The following TWIST2 variants were observed in gnomAD, a reference collection of about 807,000 sequenced individuals.
TWIST2 encodes twist family bHLH transcription factor 2, also known as twist-related protein 2.
A neutral mutation model predicts 11.6 loss-of-function variants in TWIST2; 1 was observed. The observed-to-expected ratio is 0.09, with a 90% CI of 0.03 to 0.41. TWIST2 has a LOEUF of 0.41. TWIST2 is among the 10% of genes least tolerant of loss of function. TWIST2 has a pLI of 0.98. For synonymous variants in TWIST2, 87 were observed against 96.6 expected (o/e 0.90, Z 0.58); for missense variants, 168 against 226.4 (o/e 0.74, Z 1.66).
In TWIST2 at chr2:238,903,386, ATG is replaced by A. The variant is rs1316476968; in HGVS notation, c.*36-6453_*36-6452del. Among the ~76,000 whole-genome samples the A allele has an allele frequency of 3.3e-5, 4 of 122,460 alleles. No individual in the cohort carries two copies. In the South Asian group the frequency reaches 1.2e-3, roughly 36 times the overall value. The allele number at this position is 122,460 out of a possible 152,430, so 80.3% of individuals were successfully genotyped here. On this transcript the variant is annotated intron_variant, in intron 1 of 1. Coordinates refer to ENST00000612363, the MANE Select transcript of TWIST2 (RefSeq NM_001271893.4). ...TGAGGTGTGATTTAGTGTGTGCGTG[ATG>A]TGAGGTGTGTCTAATGTGAGGTGTG...
intron 1 of TWIST2, among the ~76,000 whole-genome samples, chr2:238,874,117 CAAT>C (rs1692762523): frequency 6.6e-6 from 1 of 152,116 alleles, no homozygotes; most frequent in South Asian, 2.1e-4. Flanking sequence ...GATTGTCTGT[CAAT>C]GATGAGGGAT....
chr2:238,850,024 A>G lies in TWIST2; in HGVS notation c.*35+1291A>G, dbSNP rs140476542. On this transcript the variant is annotated intron_variant, in intron 1 of 1. Coordinates refer to ENST00000612363, the MANE Select transcript of TWIST2 (RefSeq NM_001271893.4). ...GCCGCCTATTCTCCCAAACATATCT[A>G]TTTCTTTTTTTATGTGGTTCTATAA... 4.2e-3 allele frequency among the ~76,000 whole-genome samples: 645 copies of G among 152,208 alleles called. 4 individuals carry two copies. The highest frequency in any genetic ancestry group is 0.015 in the African/African-American group (615 of 41,552).
intron 1 of TWIST2, among the ~76,000 whole-genome samples, chr2:238,885,349 G>A (rs1036353009): frequency 3.9e-5 from 6 of 152,192 alleles, no homozygotes; most frequent in Non-Finnish European, 1.5e-5. Context: ...TTTAGTCCAG[G>A]CAAAGTGGTG....
rs574613054 is a variant in TWIST2, at chr2:238,863,548, C to T, written c.*35+14815C>T. On this transcript the variant is annotated intron_variant, in intron 1 of 1. Transcript: ENST00000612363. The surrounding 1 kb of genome is among the most constrained non-coding windows in gnomAD (Gnocchi z 4.7). ...AAATGGCGCTTCATGATGGGACTGG[C>T]GCTCATCCTCACACTGTTAGTGTTA... 1.3e-5 allele frequency among the ~76,000 whole-genome samples: 2 copies of T among 152,254 alleles called. No homozygotes were observed. The highest frequency in any genetic ancestry group is 1.3e-4 in the Admixed American group (2 of 15,286).
chr2:238,895,238 T>C (rs1693193396), intron 1 of TWIST2, among the ~76,000 whole-genome samples: 6 of 152,354 alleles, frequency 3.9e-5, no homozygotes, highest in African/African-American at 1.4e-4. Context: ...ACAAAAGGTA[T>C]TTCCAGCCCA....
chr2:238,880,554 ATTAGTATTAGTATTACTG>A lies in TWIST2; in HGVS notation c.*36-29272_*36-29255del, dbSNP rs1288922973. Among the ~76,000 whole-genome samples, 135 of 88,458 alleles carry A rather than the reference ATTAGTATTAGTATTACTG, an allele frequency of 1.5e-3. 2 individuals carry two copies. The highest frequency in any genetic ancestry group is 5.7e-3 in the African/African-American group (134 of 23,370). 58.0% of individuals were successfully genotyped at this position (88,458 alleles called of 152,430 possible). ...GGTATTAGTGTTAGTGTTAGTATTTATTAGTATTAGTATTACTGTTAGTATTAGTATTAGTGTTATGTT... is the reference window on the plus strand; with the variant it reads ...GGTATTAGTGTTAGTGTTAGTATTTATTAGTATTAGTATTAGTGTTATGTT... On this transcript the variant is annotated intron_variant, in intron 1 of 1. Transcript: ENST00000612363.
intron 1 of TWIST2, among the ~76,000 whole-genome samples, chr2:238,901,473 T>C (rs1245410497): frequency 6.6e-6 from 1 of 152,230 alleles, no homozygotes; most frequent in Non-Finnish European, 1.5e-5. Flanking sequence ...CCTCAGTAGG[T>C]GAATTCTGCT....
intron 1 of TWIST2, among the ~76,000 whole-genome samples, chr2:238,885,366 G>GA (rs199849527): frequency 0.012 from 1,820 of 152,336 alleles, 22 homozygotes; most frequent in Non-Finnish European, 0.019. Flanking sequence ...GGTGGAAAAT[G>GA]AAAAAACTGG....
chr2:238,885,973 G>T (rs544706626), intron 1 of TWIST2, among the ~76,000 whole-genome samples: 9 of 151,994 alleles, frequency 5.9e-5, no homozygotes, highest in African/African-American at 1.7e-4. Context: ...GCAGACGCCT[G>T]TAATCCCAGC....
At chr2:238,856,063 G>A (rs375973881) in intron 1 of TWIST2, among the ~76,000 whole-genome samples, 16 of 152,238 alleles carry the variant, frequency 1.1e-4, no homozygotes, top group African/African-American at 3.4e-4. Context: ...ACTCCCTGGG[G>A]GCCGTGCGGT....
chr2:238,891,271 T>C (rs1157285349), intron 1 of TWIST2, among the ~76,000 whole-genome samples: 1 of 152,202 alleles, frequency 6.6e-6, no homozygotes, highest in African/African-American at 2.4e-5. Flanking sequence ...TTCGGACTCC[T>C]GGTAAACCTC....
chr2:238,869,822 C>T lies in TWIST2; in HGVS notation c.*35+21089C>T, dbSNP rs918839999. ...AAGTAGCAGGGTGTGGCGGCCTATGCCTATAATCCTAGCTACTTGAGAGGC... is the reference window on the plus strand; with the variant it reads ...AAGTAGCAGGGTGTGGCGGCCTATGTCTATAATCCTAGCTACTTGAGAGGC... On this transcript the variant is annotated intron_variant, in intron 1 of 1. Transcript: ENST00000612363. Among the ~76,000 whole-genome samples, 8 of 152,244 alleles carry T rather than the reference C, an allele frequency of 5.3e-5. No homozygotes were observed. In the East Asian group the frequency reaches 1.5e-3, roughly 29 times the overall value.
At chr2:238,898,053 T>C (rs905553413) in intron 1 of TWIST2, among the ~76,000 whole-genome samples, 6 of 152,196 alleles carry the variant, frequency 3.9e-5, no homozygotes, top group Admixed American at 1.3e-4. Flanking sequence ...CCCTCCTGCC[T>C]GCCTGAGACT....
intron 1 of TWIST2, among the ~76,000 whole-genome samples, chr2:238,872,674 G>A (rs923079772): frequency 6.6e-6 from 1 of 152,196 alleles, no homozygotes; most frequent in African/African-American, 2.4e-5. Flanking sequence ...ATCTACCCAT[G>A]GGGGGAAGTA....
At position 238,867,370 on chromosome 2, in the gene TWIST2, A is replaced by AACACACACACACAC. The variant is rs1229428285; in HGVS notation, c.*35+18666_*35+18679dup. On this transcript the variant is annotated intron_variant, in intron 1 of 1. Transcript: ENST00000612363. The surrounding 1 kb of genome is among the most constrained non-coding windows in gnomAD (Gnocchi z 4.8). ...CTGGGGAGTAAAATGTCCTGCCTTC[A>AACACACACACACAC]ACACACACACACACACACACACACA... is the stretch of plus-strand genomic sequence containing the variant. 0.034 allele frequency among the ~76,000 whole-genome samples: 4,072 copies of AACACACACACACAC among 119,634 alleles called. 128 individuals carry two copies. The highest frequency in any genetic ancestry group is 0.055 in the East Asian group (217 of 3,948). The allele number at this position is 119,634 out of a possible 152,430, so 78.5% of individuals were successfully genotyped here. A position where few individuals can be genotyped will look rare whatever the true frequency, so the allele number is the denominator to read the frequency against.
intron 1 of TWIST2, among the ~76,000 whole-genome samples, chr2:238,875,777 A>G (rs751078337): frequency 1.3e-4 from 20 of 152,214 alleles, no homozygotes; most frequent in Non-Finnish European, 2.1e-4. Context: ...CCTGTCCCCA[A>G]GTTCCAAAAA....
In TWIST2 at chr2:238,907,982, CCCA is replaced by C. The variant is rs1693384212; in HGVS notation, c.*36-1858_*36-1856del. Among the ~76,000 whole-genome samples the C allele has an allele frequency of 4.0e-5, 6 of 149,236 alleles. No individual in the cohort carries two copies. The South Asian group carries it at 1.3e-3, about 32-fold the overall frequency. ...AACATACCACACACTACACACACAC[CCCA>C]CATTGTACATACGCACCACATACAC... On this transcript the variant is annotated intron_variant, in intron 1 of 1. Coordinates refer to ENST00000612363, the MANE Select transcript of TWIST2 (RefSeq NM_001271893.4).
chr2:238,907,648 C>T (rs1693375147), intron 1 of TWIST2, among the ~76,000 whole-genome samples: 1 of 151,904 alleles, frequency 6.6e-6, no homozygotes, highest in East Asian at 1.9e-4. Flanking sequence ...GTGCAAGAAA[C>T]AACACGCATG....
At chr2:238,856,300 T>C (rs1330853533) in intron 1 of TWIST2, among the ~76,000 whole-genome samples, 1 of 152,198 alleles carries the variant, frequency 6.6e-6, no homozygotes, top group African/African-American at 2.4e-5. Flanking sequence ...TCAGACTATT[T>C]TTTTCTGAGA....
Sources: allele counts gnomAD v4.1 joint callset (sites outside exome capture counted in the v4.1 genomes callset), GRCh38; gene constraint gnomAD v4.1.1; non-coding constraint Gnocchi (gnomAD v3.1); transcripts MANE v1.5; gene names NCBI Gene and HGNC (gene_info 2026-07-23, HGNC 2026-07-21).